The following CFAP20DC variants were observed in gnomAD, a reference collection of about 807,000 sequenced individuals.
The protein encoded by CFAP20DC is protein CFAP20DC.
A neutral mutation model predicts 101.7 loss-of-function variants in CFAP20DC; 84 were observed. The observed-to-expected ratio is 0.83, with a 90% CI of 0.69 to 0.99. CFAP20DC has a LOEUF of 0.99. Among genes scored for constraint, CFAP20DC ranks in the 50% least tolerant of loss-of-function variants. CFAP20DC has a pLI of 0.00. For synonymous variants in CFAP20DC, 359 were observed against 351.2 expected, an observed-to-expected ratio of 1.02 and a Z score of -0.25; for missense variants, 1,007 against 970.3, an observed-to-expected ratio of 1.04 and a Z score of -0.50.
rs1287893118 is a variant in CFAP20DC, at chr3:58,914,329, C to A, written c.394-465G>T. On this transcript the variant is annotated intron_variant, in intron 5 of 16. Transcript: ENST00000482387. This position sits in a 1 kb window ranked among gnomAD's most constrained non-coding sequence, Gnocchi z 4.9. ...GGGTTTAAATTATGGTCAGTGCTGT[C>A]TACTTATAACCAATTAACCTATTGT... 6.6e-6 allele frequency among the ~76,000 whole-genome samples: 1 copy of A among 152,120 alleles called. No homozygotes were observed. The highest frequency in any genetic ancestry group is 1.5e-5 in the Non-Finnish European group (1 of 68,020).
chr3:58,765,649 A>AATAATTATT (rs1166430584), intron 15 of CFAP20DC, among the ~76,000 whole-genome samples: 1 of 152,178 alleles, frequency 6.6e-6, no homozygotes, highest in African/African-American at 2.4e-5. Context: ...AAAACATGGC[A>AATAATTATT]ATAATTATTA....
At chr3:58,754,806 T>C (rs1032138728) in intron 15 of CFAP20DC, among the ~76,000 whole-genome samples, 1 of 152,176 alleles carries the variant, frequency 6.6e-6, no homozygotes, top group Non-Finnish European at 1.5e-5. Flanking sequence ...AGTAAGAACT[T>C]GGCCACGTCA....
intron 12 of CFAP20DC, among the ~76,000 whole-genome samples, chr3:58,856,589 T>C (rs1047251888): frequency 5.3e-5 from 8 of 152,172 alleles, no homozygotes; most frequent in Non-Finnish European, 1.0e-4. Flanking sequence ...AACTCTGCCT[T>C]CAGGCAGAAA....
intron 6 of CFAP20DC, among the ~76,000 whole-genome samples, chr3:58,893,918 C>A (rs1032713342): frequency 6.6e-6 from 1 of 152,072 alleles, no homozygotes; most frequent in African/African-American, 2.4e-5. Flanking sequence ...AGAGGCCTCA[C>A]AATCATGGTG....
chr3:58,743,145 G>T (rs1180823127), intron 16 of CFAP20DC, among the ~76,000 whole-genome samples: 3 of 152,168 alleles, frequency 2.0e-5, no homozygotes, highest in Admixed American at 2.0e-4. Flanking sequence ...AGTCTGCTCA[G>T]TGTTTTGGGG....
At position 58,771,470 on chromosome 3, in the gene CFAP20DC, T is replaced by C. The variant is rs148198448; in HGVS notation, c.2238-17607A>G. Among the ~76,000 whole-genome samples the C allele has an allele frequency of 2.2e-3, 333 of 151,954 alleles. 4 individuals are homozygous for C. Among genetic ancestry groups the C allele is most frequent in the African/African-American group, 7.7e-3 (318 of 41,442 alleles). On this transcript the variant is annotated intron_variant, in intron 15 of 16. Coordinates refer to ENST00000482387, the MANE Select transcript of CFAP20DC (RefSeq NM_001394063.1). Reference sequence around the variant, plus strand: ...AAACATAGAGCCTTCCCGTTAACAATATCCATTTCCCAGTGTGTCAAAATA... The same window carrying C: ...AAACATAGAGCCTTCCCGTTAACAACATCCATTTCCCAGTGTGTCAAAATA...
At chr3:58,926,183 T>C (rs1396359950) in intron 5 of CFAP20DC, among the ~76,000 whole-genome samples, 1 of 151,906 alleles carries the variant, frequency 6.6e-6, no homozygotes, top group African/African-American at 2.4e-5. Flanking sequence ...CTGCCCAACA[T>C]GGTGAAACCC....
rs370065298 is a variant in CFAP20DC, at chr3:58,920,515, C to A, written c.394-6651G>T. On this transcript the variant is annotated intron_variant, in intron 5 of 16. Transcript: ENST00000482387. ...TTTACCAAGTTCAAGAAGTTTCCTT[C>A]TATTCCTAGTTTAATGTAAATATTT... is the stretch of plus-strand genomic sequence containing the variant. 6.0e-4 allele frequency among the ~76,000 whole-genome samples: 92 copies of A among 152,294 alleles called. 1 individual carries two copies. Among genetic ancestry groups the A allele is most frequent in the African/African-American group, 2.1e-3 (89 of 41,562 alleles).
At chr3:58,879,194 T>G (rs1223644033) in intron 7 of CFAP20DC, among the ~76,000 whole-genome samples, 1 of 152,212 alleles carries the variant, frequency 6.6e-6, no homozygotes, top group African/African-American at 2.4e-5. Context: ...GTTTTGGATG[T>G]TCTCATCACC....
intron 5 of CFAP20DC, among the ~76,000 whole-genome samples, chr3:58,934,987 C>G (rs914777837): frequency 2.6e-5 from 4 of 152,172 alleles, no homozygotes; most frequent in Non-Finnish European, 4.4e-5. Context: ...CAAATTGTCC[C>G]TGTTTGCAGA....
intron 4 of CFAP20DC, among the ~76,000 whole-genome samples, chr3:58,975,739 C>T (rs1377848391): frequency 6.6e-6 from 1 of 152,012 alleles, no homozygotes; most frequent in Non-Finnish European, 1.5e-5. Flanking sequence ...CCTAAAATCA[C>T]CTGTTTTGGT....
intron 14 of CFAP20DC, among the ~76,000 whole-genome samples, chr3:58,812,640 G>A (rs899805618): frequency 1.3e-5 from 2 of 151,544 alleles, no homozygotes; most frequent in African/African-American, 4.9e-5. Context: ...CACCAGCATG[G>A]CACATGTATA....
chr3:59,008,259 G>C (rs1900620), intron 4 of CFAP20DC, among the ~76,000 whole-genome samples: 43,859 of 152,002 alleles, frequency 0.29, 7,776 homozygotes, highest in East Asian at 0.57. Flanking sequence ...GGACAGGAGC[G>C]AGGCTGTGAG....
Position 58,948,211 on chromosome 3 carries a change from AATGTATGAC to A in CFAP20DC, c.279-10458_279-10450del, listed in dbSNP as rs530535145. On this transcript the variant is annotated intron_variant, in intron 4 of 16. Coordinates refer to ENST00000482387, the MANE Select transcript of CFAP20DC (RefSeq NM_001394063.1). ...ATACCAGTATGCTTCCTGCTACTTAAATGTATGACATTCTTTTCTATTTTCATGCCTTTG... is the reference window on the plus strand; with the variant it reads ...ATACCAGTATGCTTCCTGCTACTTAAATTCTTTTCTATTTTCATGCCTTTG... Among the ~76,000 whole-genome samples the A allele has an allele frequency of 3.6e-3, 552 of 152,306 alleles. 3 individuals carry two copies. Among genetic ancestry groups the A allele is most frequent in the Admixed American group, 8.0e-3 (122 of 15,296 alleles).
At chr3:58,973,200 C>T (rs1036745086) in intron 4 of CFAP20DC, among the ~76,000 whole-genome samples, 4 of 152,150 alleles carry the variant, frequency 2.6e-5, no homozygotes, top group African/African-American at 9.7e-5. Context: ...CCTTGAACTC[C>T]AAACTGTTTA....
chr3:58,870,148 T>G (rs1348797168), intron 8 of CFAP20DC, 25 bp downstream of exon 8: 1 of 1,602,024 alleles, frequency 6.2e-7, no homozygotes, highest in African/African-American at 1.3e-5. Flanking sequence ...TGTGCTTAGA[T>G]AAGCTCTCCA....
chr3:58,944,630 T>A (rs2089098006), intron 4 of CFAP20DC, among the ~76,000 whole-genome samples: 1 of 152,124 alleles, frequency 6.6e-6, no homozygotes, highest in South Asian at 2.1e-4. Flanking sequence ...TCTGTCCTTA[T>A]AGAGTTTACA....
At chr3:59,041,973 A>G (rs75453945) in intron 3 of CFAP20DC, among the ~76,000 whole-genome samples, 2,879 of 152,230 alleles carry the variant, frequency 0.019, 99 homozygotes, top group African/African-American at 0.065. Context: ...TAAGACATAC[A>G]TGCTCTCTGA....
intron 14 of CFAP20DC, among the ~76,000 whole-genome samples, chr3:58,818,485 G>A (rs929323648): frequency 1.3e-4 from 19 of 151,694 alleles, no homozygotes; most frequent in African/African-American, 4.4e-4. Context: ...GGCAGGGGTT[G>A]CAATCCTAGT....
Sources: allele counts gnomAD v4.1 joint callset (sites outside exome capture counted in the v4.1 genomes callset), GRCh38; gene constraint gnomAD v4.1.1; non-coding constraint Gnocchi (gnomAD v3.1); transcripts MANE v1.5; gene names NCBI Gene and HGNC (gene_info 2026-07-23, HGNC 2026-07-21).